Variants in COL25A1 observed in about 807,000 individuals in gnomAD.
COL25A1 encodes the protein collagen type XXV alpha 1 chain.
A neutral mutation model predicts 128.4 loss-of-function variants in COL25A1; 103 were observed. The ratio of observed to expected loss-of-function variants is 0.80; its 90% CI spans 0.68 to 0.94. The LOEUF is 0.94. COL25A1 is among the 40% of genes least tolerant of loss of function. The pLI is 0.00. For missense variants in COL25A1, 745 were observed against 840.0 expected (o/e 0.89, Z 1.40); for synonymous variants, 279 against 277.2 (o/e 1.01, Z -0.06).
At chr4:109,290,997 TC>T (rs1724419280) in intron 3 of COL25A1, among the ~76,000 whole-genome samples, 1 of 152,120 alleles carries the variant, frequency 6.6e-6, no homozygotes, top group Non-Finnish European at 1.5e-5. Flanking sequence ...CATTTTCTCT[TC>T]CAGTCTTCCT....
At chr4:108,971,435 T>C (rs1751901218) in intron 8 of COL25A1, among the ~76,000 whole-genome samples, 1 of 152,182 alleles carries the variant, frequency 6.6e-6, no homozygotes, top group African/African-American at 2.4e-5. Context: ...TAATCTCTGG[T>C]TCAGATTGAG....
chr4:108,841,557 C>A, intron 31 of COL25A1, 138 bp downstream of exon 31: 1 of 669,300 alleles, frequency 1.5e-6, no homozygotes, highest in South Asian at 2.1e-5. Context: ...GAGATTTAAA[C>A]ATATGGATGC....
At chr4:109,065,536 G>T (rs1027839162) in intron 3 of COL25A1, among the ~76,000 whole-genome samples, 10 of 131,642 alleles carry the variant, frequency 7.6e-5, no homozygotes. Context: ...TGCAGCACGC[G>T]CGCGCGCGCG....
chr4:108,852,184 G>T, intron 26 of COL25A1, 52 bp downstream of exon 26: 1 of 1,346,562 alleles, frequency 7.4e-7, no homozygotes. Flanking sequence ...TACTTAATAC[G>T]GTATTCCCTG....
intron 19 of COL25A1, among the ~76,000 whole-genome samples, chr4:108,881,496 C>A (rs1371146488): frequency 6.6e-6 from 1 of 152,158 alleles, no homozygotes; most frequent in Non-Finnish European, 1.5e-5. Context: ...AAGAAACACA[C>A]AGGTCTAGGA....
chr4:108,883,944 T>A (rs1345788125), intron 19 of COL25A1, among the ~76,000 whole-genome samples: 1 of 152,182 alleles, frequency 6.6e-6, no homozygotes, highest in Non-Finnish European at 1.5e-5. Flanking sequence ...TTACATTTAT[T>A]TAAGGGGCAG....
chr4:109,195,110 T>A (rs898694662), intron 3 of COL25A1, among the ~76,000 whole-genome samples: 8 of 152,100 alleles, frequency 5.3e-5, no homozygotes, highest in African/African-American at 1.9e-4. Context: ...CCCACAAAAA[T>A]TTTTAAAAAT....
intron 3 of COL25A1, among the ~76,000 whole-genome samples, chr4:109,223,594 C>A (rs1778577972): frequency 6.7e-6 from 1 of 148,866 alleles, no homozygotes; most frequent in Non-Finnish European, 1.5e-5. Context: ...CCCACCTTGA[C>A]CCTAACAGTA....
At chr4:108,869,202 A>G in intron 19 of COL25A1, 52 bp from the exon 20 acceptor site, 1 of 751,848 alleles carries the variant, frequency 1.3e-6, no homozygotes, top group South Asian at 2.1e-5. Flanking sequence ...ATAAATAAAT[A>G]AATAAATAAA....
At chr4:109,092,655 C>T (rs1765022479) in intron 3 of COL25A1, among the ~76,000 whole-genome samples, 1 of 152,166 alleles carries the variant, frequency 6.6e-6, no homozygotes, top group South Asian at 2.1e-4. Flanking sequence ...GACAAAACTG[C>T]TTAAACTTGT....
intron 3 of COL25A1, among the ~76,000 whole-genome samples, chr4:109,133,662 T>G (rs1386661454): frequency 6.6e-6 from 1 of 152,186 alleles, no homozygotes; most frequent in African/African-American, 2.4e-5. Context: ...GAACTTAAAT[T>G]ATTACTGCAA....
At chr4:108,933,050 T>C (rs530621911) in intron 11 of COL25A1, among the ~76,000 whole-genome samples, 1 of 152,358 alleles carries the variant, frequency 6.6e-6, no homozygotes, top group African/African-American at 2.4e-5. Context: ...ATTAAATCAA[T>C]GTGGAACTGC....
intron 16 of COL25A1, 64 bp from the exon 17 acceptor site, chr4:108,889,797 CAGAG>C (rs1741275014): frequency 1.4e-6 from 2 of 1,442,504 alleles, no homozygotes; most frequent in African/African-American, 1.4e-5. Context: ...CACAAGCACT[CAGAG>C]AGCCATCACC....
At chr4:108,913,554 G>A (rs145312792) in intron 13 of COL25A1, among the ~76,000 whole-genome samples, 15 of 152,130 alleles carry the variant, frequency 9.9e-5, no homozygotes, top group Non-Finnish European at 1.8e-4. Flanking sequence ...CACCGCACCC[G>A]ACCTCCAGCT....
chr4:109,221,806 T>C (rs927496261), intron 3 of COL25A1, among the ~76,000 whole-genome samples: 15 of 152,132 alleles, frequency 9.9e-5, no homozygotes, highest in East Asian at 1.9e-4. Flanking sequence ...TGGACTTATG[T>C]TGATTTTCTT....
chr4:109,121,868 A>C (rs3113730), intron 3 of COL25A1, among the ~76,000 whole-genome samples: 193 of 152,260 alleles, frequency 1.3e-3, no homozygotes, highest in African/African-American at 4.5e-3. Flanking sequence ...ACTTGTAAAT[A>C]ATCAAGATGT....
At chr4:108,844,379 C>A in intron 30 of COL25A1, 140 bp downstream of exon 30, 1 of 1,433,408 alleles carries the variant, frequency 7.0e-7, no homozygotes, top group Non-Finnish European at 9.6e-7. Context: ...TAATATATCT[C>A]AAAGCACCTG....
rs57842656 is a variant in COL25A1, at chr4:109,019,375, C to CATATATATAT, written c.421-9010_421-9001dup. 1.8e-3 allele frequency among the ~76,000 whole-genome samples: 90 copies of CATATATATAT among 48,860 alleles called. 5 individuals carry two copies. The highest frequency in any genetic ancestry group is 0.011 in the South Asian group (20 of 1,822). 32.1% of individuals were successfully genotyped at this position (48,860 alleles called of 152,430 possible). On this transcript the variant is annotated intron_variant, in intron 5 of 37. Transcript: ENST00000399132. ...ACACACACACACACACACACACACA[C>CATATATATAT]ATATATATATATATATATATATATT...
chr4:109,278,488 T>C (rs1026710560), intron 3 of COL25A1, among the ~76,000 whole-genome samples: 1 of 152,238 alleles, frequency 6.6e-6, no homozygotes, highest in African/African-American at 2.4e-5. Flanking sequence ...GTTACATTTG[T>C]AGAGCTGAAG....
Sources: allele counts gnomAD v4.1 joint callset (sites outside exome capture counted in the v4.1 genomes callset), GRCh38; gene constraint gnomAD v4.1.1; transcripts MANE v1.5; gene names NCBI Gene and HGNC (gene_info 2026-07-23, HGNC 2026-07-21).